The following MAGEB3 variants were observed in gnomAD, a reference collection of about 807,000 sequenced individuals.
The protein encoded by MAGEB3 is MAGE family member B3.
For missense variants in MAGEB3, 191 were observed against 262.4 expected, an observed-to-expected ratio of 0.73 and a Z score of 1.88; for synonymous variants, 91 against 93.0, an observed-to-expected ratio of 0.98 and a Z score of 0.12.
In MAGEB3 at chrX:30,236,032, A is replaced by G. The variant is rs770254826; in HGVS notation, c.108A>G (p.Lys36=). The G allele has an allele frequency of 6.7e-5, 81 of 1,209,310 alleles. 2 individuals carry two copies. In the South Asian group the frequency reaches 1.4e-3, roughly 21 times the overall value. The change falls in exon 5 of 5, where the codon AAA becomes AAG. Residue 36 remains lysine (K), a synonymous_variant. Transcript: ENST00000361644. ...CTCAGATCACTGCAACTAACAAGAAAAAAGTATCCTTTTCATCCCCTCTTA... is the reference window on the plus strand; with the variant it reads ...CTCAGATCACTGCAACTAACAAGAAGAAAGTATCCTTTTCATCCCCTCTTA... ...QGAQITATNK[K]KVSFSSPLIL... is the part of the protein sequence containing the mutation.
chrX:30,236,161 C>T lies in MAGEB3; in HGVS notation c.237C>T (p.Tyr79=), dbSNP rs146621587. The change falls in exon 5 of 5, where the codon TAC becomes TAT. Residue 79 remains tyrosine (Y), a synonymous_variant. Transcript: ENST00000361644. ...CCACTACATCTGTAGATGTTTCTTA[C>T]AAAAAGTCATACAAGGGAGCCAACA... ...LSTTTSVDVS[Y]KKSYKGANSK... 2.5e-6 allele frequency: 3 copies of T among 1,208,823 alleles called. No homozygotes were observed. Among genetic ancestry groups the T allele is most frequent in the African/African-American group, 1.7e-5 (1 of 57,695 alleles).
At chrX:30,233,477 C>T (rs1924887835) in intron 4 of MAGEB3, 114 bp downstream of exon 4, 1 of 97,840 alleles carries the variant, frequency 1.0e-5, no homozygotes, top group Non-Finnish European at 2.1e-5. Flanking sequence ...CCCACCGGTG[C>T]TAACCAGGGA....
intron 2 of MAGEB3, among the ~76,000 whole-genome samples, chrX:30,232,201 T>A (rs1924817643): frequency 9.0e-6 from 1 of 111,642 alleles, no homozygotes; most frequent in East Asian, 2.8e-4. Flanking sequence ...TGGAAAGCCC[T>A]AGGCGGAACT....
At position 30,236,300 on chromosome X, in the gene MAGEB3, T is replaced by C. The variant is rs749717727; in HGVS notation, c.376T>C (p.Tyr126His). 8 of 1,208,062 alleles carry C rather than the reference T, an allele frequency of 6.6e-6. No individual in the cohort carries two copies. The Admixed American group carries it at 1.8e-4, about 27-fold the overall frequency. Residue 126 changes from tyrosine (Y) to histidine (H), a missense_variant, in exon 5 of 5, where the codon TAC becomes CAC. By Grantham distance (83) the Tyr-to-His change is moderately conservative. Transcript: ENST00000361644. ...NMLVQFLMEM[Y>H]KMKKPIMKAD... ...GTTGGTGCAGTTCCTGATGGAAATG[T>C]ACAAGATGAAAAAGCCCATTATGAA...
At chrX:30,233,017 C>G (rs895331962) in intron 3 of MAGEB3, 101 bp downstream of exon 3, 1 of 107,236 alleles carries the variant, frequency 9.3e-6, no homozygotes, top group African/African-American at 3.4e-5. Context: ...CACGCCACTG[C>G]GCTCCAGCCT....
chrX:30,235,609 G>A (rs375801551), intron 4 of MAGEB3, among the ~76,000 whole-genome samples: 11 of 111,523 alleles, frequency 9.9e-5, no homozygotes, highest in Admixed American at 8.5e-4. Context: ...AGTAAAAGGA[G>A]ATCCACAAGG....
chrX:30,235,469 T>C (rs1924949099), intron 4 of MAGEB3, among the ~76,000 whole-genome samples: 1 of 110,883 alleles, frequency 9.0e-6, no homozygotes, highest in Non-Finnish European at 1.9e-5. Flanking sequence ...CACCTCCTCT[T>C]AGGTGGTCCC....
intron 4 of MAGEB3, among the ~76,000 whole-genome samples, chrX:30,235,188 C>A (rs891355212): frequency 9.0e-6 from 1 of 111,657 alleles, no homozygotes; most frequent in Non-Finnish European, 1.9e-5. Context: ...GATTCCCCCA[C>A]TCCCCACTTG....
rs1338323202 is a variant in MAGEB3 at position 30,233,291 on chromosome X, A to T, written c.-134A>T. 5 of 97,151 alleles carry T rather than the reference A, an allele frequency of 5.1e-5. No homozygotes were observed. The highest frequency in any genetic ancestry group is 1.9e-4 in the African/African-American group (5 of 26,618). The allele number at this position is 97,151 out of a possible 1,213,427, so 8.0% of individuals were successfully genotyped here. A position where few individuals can be genotyped will look rare whatever the true frequency, so the allele number is the denominator to read the frequency against. ...GGCTCTGGCTCACGCTTGTAATCCCAACATTTTGGGAGGACGAAGCCAGCC... is the reference window on the plus strand; with the variant it reads ...GGCTCTGGCTCACGCTTGTAATCCCTACATTTTGGGAGGACGAAGCCAGCC... On this transcript the variant is annotated 5_prime_UTR_variant, in exon 4 of 5. Coordinates refer to ENST00000361644, the MANE Select transcript of MAGEB3 (RefSeq NM_002365.5).
intron 4 of MAGEB3, 46 bp from the exon 5 acceptor site, chrX:30,235,818 T>C: frequency 1.7e-6 from 1 of 574,359 alleles, no homozygotes; most frequent in East Asian, 3.5e-5. Context: ...AAGTGGTACC[T>C]CTCTGCTGAA....
Position 30,235,972 on chromosome X carries a change from G to T in MAGEB3, c.48G>T (p.Gln16His). The change falls in exon 5 of 5, where the codon CAG (glutamine) becomes CAT (histidine). Residue 16 changes from glutamine to histidine, a missense_variant. By Grantham distance (24) the Gln-to-His change is conservative. Coordinates refer to ENST00000361644, the MANE Select transcript of MAGEB3 (RefSeq NM_002365.5). ...CGCTCCATGCACGTGAGAAACGCCA[G>T]CAGACCCGGGGTCAGACCCAGGATC... ...KSTLHAREKR[Q>H]QTRGQTQDHQ... 2 of 1,210,335 alleles carry T rather than the reference G, an allele frequency of 1.7e-6. No homozygotes were observed. Among genetic ancestry groups the T allele is most frequent in the Non-Finnish European group, 2.2e-6 (2 of 895,030 alleles).
At position 30,234,492 on chromosome X, in the gene MAGEB3, A is replaced by G. The variant is rs747637161; in HGVS notation, c.-62+1129A>G. 2.1e-4 allele frequency among the ~76,000 whole-genome samples: 23 copies of G among 110,980 alleles called. No individual in the cohort carries two copies. In the South Asian group the frequency reaches 8.6e-3, roughly 42 times the overall value. ...CCTTGGACTGTCTGGAGTCAAGGTCAGGACCCTGAATGTGCATGAAAGGGA... is the reference window on the plus strand; with the variant it reads ...CCTTGGACTGTCTGGAGTCAAGGTCGGGACCCTGAATGTGCATGAAAGGGA... On this transcript the variant is annotated intron_variant, in intron 4 of 4. Coordinates refer to ENST00000361644, the MANE Select transcript of MAGEB3 (RefSeq NM_002365.5).
chrX:30,236,166 A>C lies in MAGEB3; in HGVS notation c.242A>C (p.Lys81Thr), dbSNP rs1271829879. ...TTTSVDVSYKKSYKGANSKIE... is the reference protein window; with the variant it reads ...TTTSVDVSYKTSYKGANSKIE... ...ACATCTGTAGATGTTTCTTACAAAA[A>C]GTCATACAAGGGAGCCAACAGCAAA... Residue 81 changes from lysine (K) to threonine (T), a missense_variant, in exon 5 of 5, where the codon AAG (lysine) becomes ACG (threonine). Transcript: ENST00000361644. The C allele has an allele frequency of 8.3e-7, 1 of 1,209,593 alleles. No homozygotes were observed. The highest frequency in any genetic ancestry group is 3.0e-5 in the East Asian group (1 of 33,810).
Position 30,236,234 on chromosome X carries a change from G to T in MAGEB3, c.310G>T (p.Val104Leu). Residue 104 changes from valine (V) to leucine (L), a missense_variant, in exon 5 of 5, where the codon GTG (valine) becomes TTG (leucine). By Grantham distance (32) the Val-to-Leu change is conservative. Transcript: ENST00000361644. ...QSFSQGLSSTVQSRTDPLIMK... is the reference protein window; with the variant it reads ...QSFSQGLSSTLQSRTDPLIMK... ...CTTCTCTCAGGGTCTATCCTCCACT[G>T]TGCAGTCTCGCACAGACCCTCTAAT... The T allele has an allele frequency of 8.3e-7, 1 of 1,209,753 alleles. No individual in the cohort carries two copies. The highest frequency in any genetic ancestry group is 1.1e-6 in the Non-Finnish European group (1 of 894,274).
intron 4 of MAGEB3, among the ~76,000 whole-genome samples, chrX:30,234,976 C>T (rs1924934018): frequency 9.0e-6 from 1 of 111,551 alleles, no homozygotes; most frequent in African/African-American, 3.3e-5. Context: ...CAAATTGTGC[C>T]TCTTCTCTCA....
At chrX:30,231,070 C>A (rs1175247170) in intron 1 of MAGEB3, among the ~76,000 whole-genome samples, 14 of 108,760 alleles carry the variant, frequency 1.3e-4, no homozygotes, top group Non-Finnish European at 1.9e-5. Context: ...TCCCAGCACA[C>A]TGGGAGGCCG....
chrX:30,234,340 G>A (rs749740239), intron 4 of MAGEB3, among the ~76,000 whole-genome samples: 86 of 111,130 alleles, frequency 7.7e-4, no homozygotes, highest in Admixed American at 3.4e-3. Flanking sequence ...AGTTCCACCC[G>A]TGTTGTCAGC....
chrX:30,232,269 C>G lies in MAGEB3; in HGVS notation c.-253-558C>G, dbSNP rs764773307. Among the ~76,000 whole-genome samples, 231 of 111,632 alleles carry G rather than the reference C, an allele frequency of 2.1e-3. 2 individuals carry two copies. The highest frequency in any genetic ancestry group is 2.3e-3 in the Non-Finnish European group (122 of 53,035). ...CGGGTCTCAGGGAGGGGAAGGCTTTCTCTAACAGGGCAGCCTCAGTTCTTC... is the reference window on the plus strand; with the variant it reads ...CGGGTCTCAGGGAGGGGAAGGCTTTGTCTAACAGGGCAGCCTCAGTTCTTC... On this transcript the variant is annotated intron_variant, in intron 2 of 4. Transcript: ENST00000361644.
Position 30,236,707 on chromosome X carries a change from A to G in MAGEB3, c.783A>G (p.Arg261=). 8.2e-7 allele frequency: 1 copy of G among 1,212,368 alleles called. No individual in the cohort carries two copies. Among genetic ancestry groups the G allele is most frequent in the Non-Finnish European group, 1.1e-6 (1 of 895,623 alleles). ...TGAAGCTTAAATACCTGGAGTACCGACAAGTGCCCAACAGTAATCCTGCAC... is the reference window on the plus strand; with the variant it reads ...TGAAGCTTAAATACCTGGAGTACCGGCAAGTGCCCAACAGTAATCCTGCAC... ...DLVKLKYLEY[R]QVPNSNPARY... is the part of the protein sequence containing the mutation. Residue 261 remains arginine (R), a synonymous_variant, in exon 5 of 5, where the codon CGA becomes CGG. Coordinates refer to ENST00000361644, the MANE Select transcript of MAGEB3 (RefSeq NM_002365.5).
Sources: gnomAD v4.1 joint callset for allele counts (sites outside exome capture counted in the v4.1 genomes callset) on GRCh38, gnomAD v4.1.1 for gene constraint, MANE v1.5 for transcripts, NCBI Gene and HGNC (gene_info 2026-07-23, HGNC 2026-07-21) for gene names.